Variants in CFHR3 observed in about 807,000 individuals in gnomAD.
CFHR3 encodes the protein complement factor H-related protein 3.
In CFHR3, 22 loss-of-function variants were observed where a neutral mutation model predicts 36.0. That is an observed-to-expected ratio of 0.61 (90% CI 0.44 to 0.87). CFHR3 has a LOEUF of 0.87. Among genes scored for constraint, CFHR3 ranks in the 40% least tolerant of loss-of-function variants. The pLI is 0.00. For synonymous variants in CFHR3, 97 were observed against 137.4 expected (o/e 0.71, Z 2.06); for missense variants, 276 against 401.3 (o/e 0.69, Z 2.67).
chr1:196,792,164 G>A lies in CFHR3; in HGVS notation c.797-1153G>A, dbSNP rs1312341981. On this transcript the variant is annotated intron_variant, in intron 5 of 5. Coordinates refer to ENST00000367425, the MANE Select transcript of CFHR3 (RefSeq NM_021023.6). ...AATATTTATTTTTGAATTGTAAACAGCCCCTGAATGTATTGAAGAGCTCTT... is the reference window on the plus strand; with the variant it reads ...AATATTTATTTTTGAATTGTAAACAACCCCTGAATGTATTGAAGAGCTCTT... Among the ~76,000 whole-genome samples the A allele has an allele frequency of 1.9e-3, 226 of 120,922 alleles. 6 individuals are homozygous for A. The highest frequency in any genetic ancestry group is 8.5e-3 in the African/African-American group (213 of 25,040). 79.3% of individuals were successfully genotyped at this position (120,922 alleles called of 152,430 possible).
At chr1:196,777,954 T>C (rs1231445187) in intron 1 of CFHR3, among the ~76,000 whole-genome samples, 2 of 115,564 alleles carry the variant, frequency 1.7e-5, no homozygotes, top group Admixed American at 8.9e-5. Flanking sequence ...GCCACTGTAC[T>C]CTAGCCTTGG....
At chr1:196,788,680 A>C in intron 4 of CFHR3, 2 of 1,454,148 alleles carry the variant, frequency 1.4e-6, no homozygotes. Context: ...GAGTATCAGC[A>C]AAATATGTTA....
intron 2 of CFHR3, 101 bp downstream of exon 2, chr1:196,779,457 G>A: frequency 9.9e-7 from 1 of 1,006,528 alleles, no homozygotes; most frequent in Non-Finnish European, 1.5e-6. Context: ...ACAGAAATAG[G>A]GCCAAGAAAT....
In CFHR3 at chr1:196,779,926, C is replaced by A. The variant is rs755663161; in HGVS notation, c.383C>A (p.Thr128Lys). The change falls in exon 3 of 6, where the codon ACA (threonine) becomes AAA (lysine). Residue 128 changes from threonine (T) to lysine (K), a missense_variant. This residue lies in a region of CFHR3 where 178 missense variants were observed against 247.2 expected (regional missense o/e 0.72). Coordinates refer to ENST00000367425, the MANE Select transcript of CFHR3 (RefSeq NM_021023.6). ...YGLPKAQTTV[T>K]CTEKGWSPTP... ...CTTCCAAAAGCGCAGACCACAGTTACATGTACGGAGAAAGGCTGGTCTCCT... is the reference window on the plus strand; with the variant it reads ...CTTCCAAAAGCGCAGACCACAGTTAAATGTACGGAGAAAGGCTGGTCTCCT... The A allele has an allele frequency of 2.0e-6, 3 of 1,533,416 alleles. No homozygotes were observed. The highest frequency in any genetic ancestry group is 2.6e-6 in the Non-Finnish European group (3 of 1,133,456). 95.0% of individuals were successfully genotyped at this position (1,533,416 alleles called of 1,614,324 possible).
chr1:196,777,640 C>T (rs1298518493), intron 1 of CFHR3, among the ~76,000 whole-genome samples: 1 of 136,500 alleles, frequency 7.3e-6, no homozygotes, highest in Non-Finnish European at 1.6e-5. Flanking sequence ...TTTTCAGAAA[C>T]AAACCTAAAC....
Position 196,792,166 on chromosome 1 carries a change from C to T in CFHR3, c.797-1151C>T, listed in dbSNP as rs1654449737. ...TATTTATTTTTGAATTGTAAACAGCCCCTGAATGTATTGAAGAGCTCTTAA... is the reference window on the plus strand; with the variant it reads ...TATTTATTTTTGAATTGTAAACAGCTCCTGAATGTATTGAAGAGCTCTTAA... On this transcript the variant is annotated intron_variant, in intron 5 of 5. Coordinates refer to ENST00000367425, the MANE Select transcript of CFHR3 (RefSeq NM_021023.6). 1.7e-5 allele frequency among the ~76,000 whole-genome samples: 2 copies of T among 119,844 alleles called. 1 individual carries two copies. The highest frequency in any genetic ancestry group is 1.6e-4 in the Admixed American group (2 of 12,462). 78.6% of individuals were successfully genotyped at this position (119,844 alleles called of 152,430 possible).
At chr1:196,779,089 T>C (rs1653841337) in intron 1 of CFHR3, 73 bp from the exon 2 acceptor site, 5 of 1,182,904 alleles carry the variant, frequency 4.2e-6, no homozygotes, top group Admixed American at 2.0e-5. Context: ...GAAGGTGATA[T>C]CAAAATTTAT....
At chr1:196,789,597 A>T in intron 4 of CFHR3, 2 of 1,309,832 alleles carry the variant, frequency 1.5e-6, no homozygotes, top group South Asian at 3.6e-5. Flanking sequence ...TAACTACATA[A>T]ATGGTTACAT....
chr1:196,793,556 C>A lies in CFHR3; in HGVS notation c.*43C>A. On this transcript the variant is annotated 3_prime_UTR_variant, in exon 6 of 6. Transcript: ENST00000367425. ...AAATGTATGTCCAACTTCCACTTTT[C>A]CACTTCTCACTCTTATGGTCTCAAA... is the stretch of plus-strand genomic sequence containing the variant. The A allele has an allele frequency of 1.4e-6, 2 of 1,452,414 alleles. No individual in the cohort carries two copies. The highest frequency in any genetic ancestry group is 3.9e-4 in the Middle Eastern group (2 of 5,066). The allele number at this position is 1,452,414 out of a possible 1,614,324, so 90.0% of individuals were successfully genotyped here. A position where few individuals can be genotyped will look rare whatever the true frequency, so the allele number is the denominator to read the frequency against.
At chr1:196,784,547 C>T (rs1654107343) in intron 3 of CFHR3, among the ~76,000 whole-genome samples, 1 of 136,168 alleles carries the variant, frequency 7.3e-6, no homozygotes, top group Non-Finnish European at 1.6e-5. Flanking sequence ...GATCCCTTTA[C>T]CATTATGTAA....
chr1:196,776,631 G>A (rs1653732429), intron 1 of CFHR3, among the ~76,000 whole-genome samples: 1 of 135,980 alleles, frequency 7.4e-6, no homozygotes, highest in Admixed American at 7.1e-5. Flanking sequence ...CATTTACAAG[G>A]CAAAGGAGGA....
Position 196,780,105 on chromosome 1 carries a change from T to C in CFHR3, c.430+132T>C, listed in dbSNP as rs1336852871. On this transcript the variant is annotated intron_variant, in intron 3 of 5. Transcript: ENST00000367425. ...TTGTTTTGCCAACGGACCTATTTAG[T>C]TTTACTTTTTTAATTGTGTGAATAT... is the stretch of plus-strand genomic sequence containing the variant. 1.9e-5 allele frequency: 23 copies of C among 1,191,722 alleles called. 2 individuals carry two copies. Among genetic ancestry groups the C allele is most frequent in the African/African-American group, 3.9e-5 (2 of 51,538 alleles). 73.8% of individuals were successfully genotyped at this position (1,191,722 alleles called of 1,614,324 possible).
intron 3 of CFHR3, among the ~76,000 whole-genome samples, chr1:196,784,043 C>T (rs1654082478): frequency 7.3e-6 from 1 of 136,310 alleles, no homozygotes; most frequent in Admixed American, 7.1e-5. Context: ...TTTATTTCTG[C>T]CTTCATTTCT....
At chr1:196,788,532 A>G in intron 4 of CFHR3, 134 bp downstream of exon 4, 2 of 1,307,846 alleles carry the variant, frequency 1.5e-6, no homozygotes, top group Non-Finnish European at 2.1e-6. Context: ...ACCATTCAAC[A>G]TTCTGTGCCA....
At chr1:196,779,059 C>T in intron 1 of CFHR3, 103 bp from the exon 2 acceptor site, 1 of 946,832 alleles carries the variant, frequency 1.1e-6, no homozygotes, top group South Asian at 1.7e-5. Context: ...TGCTGTAATT[C>T]CACAAGAAAA....
At position 196,779,187 on chromosome 1, in the gene CFHR3, TA is replaced by T; in HGVS notation, c.87del (p.Lys29AsnfsTer17). 6.5e-7 allele frequency: 1 copy of T among 1,529,522 alleles called. No homozygotes were observed. Among genetic ancestry groups the T allele is most frequent in the Non-Finnish European group, 8.8e-7 (1 of 1,129,948 alleles). 94.7% of individuals were successfully genotyped at this position (1,529,522 alleles called of 1,614,324 possible). On this transcript the variant is annotated frameshift_variant, in exon 2 of 6. Coordinates refer to ENST00000367425, the MANE Select transcript of CFHR3 (RefSeq NM_021023.6). LOFTEE classifies it high-confidence loss of function. ...QVKPCDFPDI[K>X]HGGLFHENMR... ...TGAAACCTTGTGATTTTCCAGACAT[TA>T]AACATGGAGGTCTATTTCATGAGAA...
chr1:196,788,369 A>T lies in CFHR3; in HGVS notation c.584A>T (p.Asn195Ile), dbSNP rs1195339876. ...NSSGSITCLQNGWSAQPICIN... is the reference protein window; with the variant it reads ...NSSGSITCLQIGWSAQPICIN... Reference sequence around the variant, plus strand: ...TCAGGATCAATTACATGTTTGCAAAATGGATGGTCAGCACAACCAATTTGC... The same window carrying T: ...TCAGGATCAATTACATGTTTGCAAATTGGATGGTCAGCACAACCAATTTGC... The change falls in exon 4 of 6, where the codon AAT becomes ATT. Residue 195 changes from asparagine to isoleucine, a missense_variant. Physicochemically the swap from Asn to Ile is moderately radical, Grantham distance 149. Around this residue, in one of 3 missense-constraint regions of CFHR3, gnomAD observed 178 missense variants for 247.2 expected, o/e 0.72. Coordinates refer to ENST00000367425, the MANE Select transcript of CFHR3 (RefSeq NM_021023.6). 6.5e-7 allele frequency: 1 copy of T among 1,530,352 alleles called. No individual in the cohort carries two copies. The highest frequency in any genetic ancestry group is 1.6e-5 in the African/African-American group (1 of 60,728). 94.8% of individuals were successfully genotyped at this position (1,530,352 alleles called of 1,614,324 possible). A position where few individuals can be genotyped will look rare whatever the true frequency, so the allele number is the denominator to read the frequency against.
At position 196,793,473 on chromosome 1, in the gene CFHR3, T is replaced by TGGATA; in HGVS notation, c.954_955insGATAG (p.Cys319AspfsTer7). ...ACATCAATTCTATCATTTCAAGCAG[T>TGGATA]GTGTCGGGAAGGGATAGTGGAATAC... On this transcript the variant is annotated frameshift_variant, in exon 6 of 6. Coordinates refer to ENST00000367425, the MANE Select transcript of CFHR3 (RefSeq NM_021023.6). LOFTEE classifies it low-confidence loss of function (END_TRUNC). 2.0e-6 allele frequency: 3 copies of TGGATA among 1,526,660 alleles called. No homozygotes were observed. Among genetic ancestry groups the TGGATA allele is most frequent in the African/African-American group, 3.3e-5 (2 of 60,232 alleles). 94.6% of individuals were successfully genotyped at this position (1,526,660 alleles called of 1,614,324 possible).
chr1:196,786,143 G>T (rs574622042), intron 3 of CFHR3, among the ~76,000 whole-genome samples: 1 of 136,546 alleles, frequency 7.3e-6, no homozygotes, highest in African/African-American at 3.1e-5. Context: ...GAATGCTGCT[G>T]TATGATGGTT....
Sources: gnomAD v4.1 joint callset for allele counts (sites outside exome capture counted in the v4.1 genomes callset) on GRCh38, gnomAD v4.1.1 for gene constraint, gnomAD v4.1.1 regional missense constraint, MANE v1.5 for transcripts, NCBI Gene and HGNC (gene_info 2026-07-23, HGNC 2026-07-21) for gene names.